Variants in CNOT10 observed in about 807,000 individuals in gnomAD.
The protein encoded by CNOT10 is CCR4-NOT transcription complex, subunit 10.
In CNOT10, 30 loss-of-function variants were observed where a neutral mutation model predicts 94.6. That is an observed-to-expected ratio of 0.32 (90% confidence interval 0.24 to 0.43). The LOEUF is 0.43. CNOT10 is among the 20% of genes least tolerant of loss of function. CNOT10 has a pLI of 1.00. For synonymous variants in CNOT10, 289 were observed against 301.6 expected, an observed-to-expected ratio of 0.96 and a Z score of 0.43; for missense variants, 759 against 877.2, an observed-to-expected ratio of 0.87 and a Z score of 1.70.
Position 32,764,503 on chromosome 3 carries a change from T to C in CNOT10, c.1876+13T>C. On this transcript the variant is annotated intron_variant, in intron 16 of 18. Coordinates refer to ENST00000328834, the MANE Select transcript of CNOT10 (RefSeq NM_015442.3). The stretch of plus-strand genomic sequence containing the variant: ...GCAATGGAATCCTGTAAGTAAGAAG[T>C]TTTGTGATACTTAAGTAGCCTGGCC... The C allele has an allele frequency of 6.2e-7, 1 of 1,612,730 alleles. No homozygotes were observed. Among genetic ancestry groups the C allele is most frequent in the Non-Finnish European group, 8.5e-7 (1 of 1,179,612 alleles).
At chr3:32,710,020 C>T (rs1697808050) in intron 4 of CNOT10, among the ~76,000 whole-genome samples, 1 of 151,900 alleles carries the variant, frequency 6.6e-6, no homozygotes, top group Non-Finnish European at 1.5e-5. Context: ...GTGGCACATG[C>T]CTGTAATCCC....
intron 1 of CNOT10, among the ~76,000 whole-genome samples, chr3:32,692,640 C>T (rs1696898658): frequency 6.6e-6 from 1 of 152,042 alleles, no homozygotes; most frequent in South Asian, 2.1e-4. Context: ...CGTAAATATC[C>T]ACTGTTGTTG....
At chr3:32,733,748 A>G (rs1450154417) in intron 11 of CNOT10, among the ~76,000 whole-genome samples, 1 of 152,124 alleles carries the variant, frequency 6.6e-6, no homozygotes, top group Non-Finnish European at 1.5e-5. Context: ...TATTACATCC[A>G]TGGGTGCTGC....
At chr3:32,734,463 T>C (rs984793331) in intron 11 of CNOT10, among the ~76,000 whole-genome samples, 9 of 152,284 alleles carry the variant, frequency 5.9e-5, no homozygotes, top group Admixed American at 5.2e-4. Flanking sequence ...TTAGTATACC[T>C]CTCCTTGCCC....
At chr3:32,699,774 GGAA>G (rs954011560) in intron 1 of CNOT10, among the ~76,000 whole-genome samples, 31 of 152,124 alleles carry the variant, frequency 2.0e-4, no homozygotes, top group African/African-American at 7.5e-4. Flanking sequence ...AGAAGGAGAG[GGAA>G]GAATGGAAAG....
Position 32,753,685 on chromosome 3 carries a change from A to G in CNOT10, c.1596-5773A>G, listed in dbSNP as rs1700065545. On this transcript the variant is annotated intron_variant, in intron 13 of 18. Transcript: ENST00000328834. ...AAATTGGGATAAATTAGTGGGTAAAATCAAAGAAGAAGAAAATAATGAAAA... is the reference window on the plus strand; with the variant it reads ...AAATTGGGATAAATTAGTGGGTAAAGTCAAAGAAGAAGAAAATAATGAAAA... The G allele has an allele frequency of 3.8e-6, 6 of 1,585,788 alleles. No individual in the cohort carries two copies. In the East Asian group the frequency reaches 8.9e-5, roughly 24 times the overall value.
At chr3:32,691,272 C>T (rs1329092020) in intron 1 of CNOT10, among the ~76,000 whole-genome samples, 1 of 151,376 alleles carries the variant, frequency 6.6e-6, no homozygotes, top group Non-Finnish European at 1.5e-5. Flanking sequence ...AGTGATTCTC[C>T]TGCCTCAGCC....
intron 1 of CNOT10, among the ~76,000 whole-genome samples, chr3:32,699,187 C>T (rs1033480810): frequency 6.6e-6 from 1 of 152,068 alleles, no homozygotes. Context: ...GCTGTGTATC[C>T]TTGTAGACTT....
chr3:32,688,122 A>T (rs1380790962), intron 1 of CNOT10, among the ~76,000 whole-genome samples: 1 of 152,164 alleles, frequency 6.6e-6, no homozygotes, highest in Non-Finnish European at 1.5e-5. Context: ...ACCACCTAAG[A>T]TGAGTTAATG....
At chr3:32,701,945 A>G (rs1697370036) in intron 1 of CNOT10, among the ~76,000 whole-genome samples, 1 of 151,952 alleles carries the variant, frequency 6.6e-6, no homozygotes, top group African/African-American at 2.4e-5. Context: ...GGTGCCCGCC[A>G]CCACGCCCAG....
At chr3:32,688,300 A>G (rs772527337) in intron 1 of CNOT10, among the ~76,000 whole-genome samples, 4 of 152,154 alleles carry the variant, frequency 2.6e-5, no homozygotes, top group Non-Finnish European at 5.9e-5. Context: ...TCAAGTTGTG[A>G]TAGATACTCT....
chr3:32,716,383 GAT>G (rs1329764645), intron 6 of CNOT10, 72 bp downstream of exon 6: 5 of 721,142 alleles, frequency 6.9e-6, no homozygotes, highest in Non-Finnish European at 1.2e-5. Context: ...GAAGCAATGA[GAT>G]AGATCATTGG....
chr3:32,686,216 A>G (rs1696594874), intron 1 of CNOT10, among the ~76,000 whole-genome samples: 1 of 152,170 alleles, frequency 6.6e-6, no homozygotes, highest in South Asian at 2.1e-4. Flanking sequence ...GGAATATAAA[A>G]TTATTTCCTG....
In CNOT10 at chr3:32,724,856, G is replaced by A. The variant is rs540850995; in HGVS notation, c.863-594G>A. 2.1e-5 allele frequency among the ~76,000 whole-genome samples: 3 copies of A among 142,344 alleles called. No individual in the cohort carries two copies. In the East Asian group the frequency reaches 6.2e-4, roughly 29 times the overall value. 93.4% of individuals were successfully genotyped at this position (142,344 alleles called of 152,430 possible). On this transcript the variant is annotated intron_variant, in intron 8 of 18. Transcript: ENST00000328834. ...TTACAGGCATGAGCCATCGTACCCA[G>A]CCTCACTCTGTTCTTTTCTATATAT...
At chr3:32,763,360 C>T (rs975535896) in intron 15 of CNOT10, among the ~76,000 whole-genome samples, 6 of 151,838 alleles carry the variant, frequency 4.0e-5, no homozygotes, top group Non-Finnish European at 1.5e-5. Flanking sequence ...TGCTAAATTT[C>T]TAAATAATTG....
intron 9 of CNOT10, among the ~76,000 whole-genome samples, chr3:32,727,049 T>G (rs542147214): frequency 1.3e-5 from 2 of 151,966 alleles, no homozygotes; most frequent in South Asian, 4.2e-4. Context: ...GTTTCACTAT[T>G]TTGGCCAGTC....
chr3:32,748,369 A>G (rs142892790), intron 13 of CNOT10, among the ~76,000 whole-genome samples: 2 of 152,184 alleles, frequency 1.3e-5, no homozygotes, highest in African/African-American at 2.4e-5. Flanking sequence ...CTTAGAACAC[A>G]GTTTCTTGGG....
At chr3:32,726,835 AATT>A (rs1478626223) in intron 9 of CNOT10, among the ~76,000 whole-genome samples, 2 of 109,802 alleles carry the variant, frequency 1.8e-5, no homozygotes, top group Admixed American at 1.4e-4. Context: ...AACCAAGATG[AATT>A]TTTTTTTTTT....
chr3:32,701,182 A>G (rs1697326848), intron 1 of CNOT10, among the ~76,000 whole-genome samples: 2 of 152,072 alleles, frequency 1.3e-5, no homozygotes, highest in Non-Finnish European at 2.9e-5. Flanking sequence ...GGCTGAGCCA[A>G]GATTGTGCCA....
Sources: gnomAD v4.1 joint callset for allele counts (sites outside exome capture counted in the v4.1 genomes callset) on GRCh38, gnomAD v4.1.1 for gene constraint, MANE v1.5 for transcripts, NCBI Gene and HGNC (gene_info 2026-07-23, HGNC 2026-07-21) for gene names.